The following RBFOX1 variants were observed in gnomAD, a reference collection of about 807,000 sequenced individuals.
RBFOX1 encodes the protein RNA binding fox-1 homolog 1.
In RBFOX1, 8 loss-of-function variants were observed where a neutral mutation model predicts 57.7. That is an observed-to-expected ratio of 0.14 (90% CI 0.08 to 0.25). RBFOX1 has a LOEUF of 0.25. RBFOX1 is among the 10% of genes least tolerant of loss of function. The pLI, the probability that RBFOX1 is intolerant of heterozygous loss-of-function variation, is 1.00. For synonymous variants in RBFOX1, 326 were observed against 222.4 expected (o/e 1.47, Z -4.15); for missense variants, 611 against 548.5 (o/e 1.11, Z -1.14).
intron 3 of RBFOX1, among the ~76,000 whole-genome samples, chr16:5,721,336 CT>C (rs1435575831): frequency 6.6e-6 from 1 of 152,054 alleles, no homozygotes; most frequent in Non-Finnish European, 1.5e-5. Context: ...GGTTTTAATA[CT>C]TGTGTGGGTG....
At chr16:6,912,405 G>C (rs2071876379) in intron 3 of RBFOX1, among the ~76,000 whole-genome samples, 1 of 152,038 alleles carries the variant, frequency 6.6e-6, no homozygotes. Flanking sequence ...GAACCACGGG[G>C]CTACTGAAAT....
intron 4 of RBFOX1, among the ~76,000 whole-genome samples, chr16:7,240,549 T>C (rs2152967588): frequency 6.6e-6 from 1 of 152,030 alleles, no homozygotes; most frequent in East Asian, 1.9e-4. Flanking sequence ...TTTGTTTGTT[T>C]GTTTGTTTTT....
intron 4 of RBFOX1, among the ~76,000 whole-genome samples, chr16:7,082,990 G>C (rs1175160579): frequency 6.6e-6 from 1 of 152,120 alleles, no homozygotes; most frequent in African/African-American, 2.4e-5. Context: ...GAAAAAAATG[G>C]TTTTGAATTG....
intron 4 of RBFOX1, among the ~76,000 whole-genome samples, chr16:5,882,320 C>T (rs2057783441): frequency 6.6e-6 from 1 of 152,168 alleles, no homozygotes; most frequent in Non-Finnish European, 1.5e-5. Context: ...GAGTTGGCTT[C>T]ATTCAACTCA....
At chr16:6,837,466 A>G (rs2093181780) in intron 3 of RBFOX1, among the ~76,000 whole-genome samples, 1 of 152,200 alleles carries the variant, frequency 6.6e-6, no homozygotes, top group African/African-American at 2.4e-5. Flanking sequence ...GCCACTCAGA[A>G]GGTGATGAGA....
In RBFOX1 at chr16:7,106,922, G is replaced by T. The variant is rs145328364; in HGVS notation, c.27+54824G>T. ...TTCTTGGCAGTGGGCATGCAACAAG[G>T]AGGACATGGACACGTCCCTAATCCT... On this transcript the variant is annotated intron_variant, in intron 4 of 15. Transcript: ENST00000550418. Among the ~76,000 whole-genome samples, 558 of 151,754 alleles carry T rather than the reference G, an allele frequency of 3.7e-3. 2 individuals carry two copies. Among genetic ancestry groups the T allele is most frequent in the African/African-American group, 0.013 (526 of 41,352 alleles).
chr16:6,655,928 C>G (rs1017422360), intron 3 of RBFOX1, among the ~76,000 whole-genome samples: 1 of 152,102 alleles, frequency 6.6e-6, no homozygotes, highest in African/African-American at 2.4e-5. Context: ...AAAGCAGTTG[C>G]CACACATTAT....
rs2080366071 is a variant in RBFOX1, at chr16:6,311,917, C to T, written c.-126-5078C>T. The stretch of plus-strand genomic sequence containing the variant: ...AATCCCTGAGTGGTATCAAGCAACC[C>T]TGGGCAGCTTGCTGATTTGGCTTCA... On this transcript the variant is annotated intron_variant, in intron 1 of 15. Transcript: ENST00000550418. Among the ~76,000 whole-genome samples the T allele has an allele frequency of 2.0e-5, 3 of 152,132 alleles. 1 individual carries two copies. Among genetic ancestry groups the T allele is most frequent in the African/African-American group, 7.2e-5 (3 of 41,428 alleles).
chr16:6,830,838 C>A (rs923602202), intron 3 of RBFOX1, among the ~76,000 whole-genome samples: 1 of 152,168 alleles, frequency 6.6e-6, no homozygotes, highest in African/African-American at 2.4e-5. Flanking sequence ...TTTACAATAT[C>A]TGAATCACTC....
chr16:7,451,624 T>C (rs1017883914), intron 4 of RBFOX1, among the ~76,000 whole-genome samples: 3 of 152,210 alleles, frequency 2.0e-5, no homozygotes, highest in Admixed American at 6.5e-5. Flanking sequence ...GATTGGACTA[T>C]GCTAACATTT....
At chr16:7,354,635 G>A (rs1040821833) in intron 4 of RBFOX1, among the ~76,000 whole-genome samples, 1 of 152,176 alleles carries the variant, frequency 6.6e-6, no homozygotes, top group Non-Finnish European at 1.5e-5. Flanking sequence ...ATTTTTGTTA[G>A]CTGTGTTTAT....
chr16:6,748,280 T>G (rs1213139449), intron 3 of RBFOX1, among the ~76,000 whole-genome samples: 2 of 151,996 alleles, frequency 1.3e-5, no homozygotes, highest in Admixed American at 1.3e-4. Flanking sequence ...TCTCTCTCTC[T>G]CTACACACAC....
At chr16:6,204,328 G>T (rs1161329424) in intron 1 of RBFOX1, among the ~76,000 whole-genome samples, 2 of 152,194 alleles carry the variant, frequency 1.3e-5, no homozygotes, top group Non-Finnish European at 1.5e-5. Context: ...AAGATTGACA[G>T]CAGCTTCTGT....
At chr16:6,799,611 A>G (rs753953851) in intron 3 of RBFOX1, among the ~76,000 whole-genome samples, 13 of 152,108 alleles carry the variant, frequency 8.5e-5, no homozygotes, top group Non-Finnish European at 2.9e-5. Context: ...CCCACCCTCA[A>G]TCTGTGTTGG....
rs979945212 is a variant in RBFOX1 at position 5,704,066 on chromosome 16, C to G, written c.318+105105C>G. On this transcript the variant is annotated intron_variant, in intron 3 of 19. Coordinates refer to the RBFOX1 transcript ENST00000641259. ...TCTTGGGTTGACCTGGTGAGGTTTC[C>G]AGGTTCTTATTACCCACCTTGAACT... Among the ~76,000 whole-genome samples, 5 of 152,160 alleles carry G rather than the reference C, an allele frequency of 3.3e-5. No homozygotes were observed. In the East Asian group the frequency reaches 9.7e-4, roughly 29 times the overall value.
intron 2 of RBFOX1, among the ~76,000 whole-genome samples, chr16:5,564,192 T>G (rs1567234777): frequency 6.6e-6 from 1 of 151,926 alleles, no homozygotes; most frequent in Non-Finnish European, 1.5e-5. Context: ...TTGTATTTTT[T>G]TTTTTAGTAG....
At chr16:6,332,397 A>G (rs909692484) in intron 2 of RBFOX1, among the ~76,000 whole-genome samples, 1 of 152,212 alleles carries the variant, frequency 6.6e-6, no homozygotes, top group Admixed American at 6.5e-5. Context: ...AAAATTTCAG[A>G]ACATATGAAT....
At chr16:5,657,804 C>G (rs549108064) in intron 3 of RBFOX1, among the ~76,000 whole-genome samples, 10 of 139,768 alleles carry the variant, frequency 7.2e-5, no homozygotes, top group Non-Finnish European at 1.5e-4. Context: ...ACGATCTTGG[C>G]TCACTGTAAC....
At position 5,613,003 on chromosome 16, in the gene RBFOX1, T is replaced by C. The variant is rs1485374755; in HGVS notation, c.318+14042T>C. Among the ~76,000 whole-genome samples the C allele has an allele frequency of 2.6e-5, 4 of 152,312 alleles. No individual in the cohort carries two copies. The East Asian group carries it at 7.7e-4, about 29-fold the overall frequency. On this transcript the variant is annotated intron_variant, in intron 3 of 19. Coordinates refer to the RBFOX1 transcript ENST00000641259. ...CAGCAAGGTAGAATGGACTCCATTT[T>C]ACAGATGACAAGACTGAAGCTCAGG...
Sources: allele counts gnomAD v4.1 joint callset (sites outside exome capture counted in the v4.1 genomes callset), GRCh38; gene constraint gnomAD v4.1.1; transcripts MANE v1.5; gene names NCBI Gene and HGNC (gene_info 2026-07-23, HGNC 2026-07-21).